Variants in FBXW10B observed in about 807,000 individuals in gnomAD.
FBXW10B encodes the protein F-box and WD repeat domain containing protein 10B.
the FBXW10B span, among the ~76,000 whole-genome samples, chr17:15,595,676 C>T: frequency 1.3e-5 from 2 of 152,130 alleles, no homozygotes; most frequent in African/African-American, 4.8e-5. Flanking sequence ...GCCAAGCCAG[C>T]CACTTTTCAC....
the FBXW10B span, chr17:15,619,125 G>A: frequency 1.9e-6 from 3 of 1,613,932 alleles, no homozygotes; most frequent in Non-Finnish European, 2.5e-6. Flanking sequence ...TTGGTCCACT[G>A]GGTGCTGTTC....
At chr17:15,581,496 A>G in the FBXW10B span, among the ~76,000 whole-genome samples, 1 of 152,136 alleles carries the variant, frequency 6.6e-6, no homozygotes, top group Admixed American at 6.5e-5. Flanking sequence ...AGTGCAGGTA[A>G]GTCAGAAGTC....
the FBXW10B span, among the ~76,000 whole-genome samples, chr17:15,606,809 T>C: frequency 6.6e-6 from 1 of 152,166 alleles, no homozygotes; most frequent in African/African-American, 2.4e-5. Flanking sequence ...GCCTTTCCCC[T>C]ATCTTATCTG....
the FBXW10B span, among the ~76,000 whole-genome samples, chr17:15,581,523 G>T: frequency 6.6e-6 from 1 of 152,032 alleles, no homozygotes; most frequent in East Asian, 1.9e-4. Context: ...TATATCCAAA[G>T]TTCCTCTGCT....
chr17:15,604,097 A>AAG, the FBXW10B span, among the ~76,000 whole-genome samples: 2 of 149,966 alleles, frequency 1.3e-5, no homozygotes, highest in African/African-American at 4.9e-5. Context: ...AAAAACAAAA[A>AAG]CTAGAAACAA....
chr17:15,595,663 C>T, the FBXW10B span, among the ~76,000 whole-genome samples: 3 of 152,132 alleles, frequency 2.0e-5, no homozygotes, highest in Non-Finnish European at 4.4e-5. Flanking sequence ...GGAAATTCCA[C>T]AGGCCAAGCC....
chr17:15,598,415 G>A, the FBXW10B span: 1 of 1,517,030 alleles, frequency 6.6e-7, no homozygotes, highest in Non-Finnish European at 8.9e-7. Context: ...GTGGATGGAT[G>A]GATGGATGAT....
the FBXW10B span, chr17:15,613,507 G>A: frequency 1.2e-6 from 1 of 856,902 alleles, no homozygotes; most frequent in Non-Finnish European, 1.7e-6. Context: ...CACAAATGTA[G>A]AGGAGGAGGC....
chr17:15,615,563 T>C, the FBXW10B span: 9 of 1,579,292 alleles, frequency 5.7e-6, no homozygotes, highest in East Asian at 2.1e-4. Flanking sequence ...TCTGCTTGCC[T>C]CGGCCTCCCA....
At chr17:15,612,536 G>A in the FBXW10B span, 1 of 503,422 alleles carries the variant, frequency 2.0e-6, no homozygotes, top group Admixed American at 6.4e-5. Flanking sequence ...AAAAGAGGAA[G>A]TGTCTTGCAA....
chr17:15,619,385 T>C, the FBXW10B span: 2 of 1,613,818 alleles, frequency 1.2e-6, no homozygotes, highest in South Asian at 2.2e-5. Flanking sequence ...GCAGAACCAC[T>C]CTTTGGTAGA....
the FBXW10B span, among the ~76,000 whole-genome samples, chr17:15,579,173 A>AT: frequency 2.0e-5 from 3 of 151,712 alleles, no homozygotes; most frequent in African/African-American, 7.3e-5. Flanking sequence ...AAATAAATAA[A>AT]AAGGTGTCTG....
chr17:15,599,111 G>T, the FBXW10B span, among the ~76,000 whole-genome samples: 35 of 149,356 alleles, frequency 2.3e-4, no homozygotes, highest in African/African-American at 8.2e-4. Context: ...GCAGGCAGAG[G>T]TTGCAGCGAG....
At chr17:15,578,714 G>A in the FBXW10B span, among the ~76,000 whole-genome samples, 6 of 152,024 alleles carry the variant, frequency 3.9e-5, no homozygotes, top group South Asian at 2.1e-4. Context: ...TCTGATTTTC[G>A]TAGCTGGGAC....
At chr17:15,599,036 A>G in the FBXW10B span, among the ~76,000 whole-genome samples, 12 of 152,072 alleles carry the variant, frequency 7.9e-5, no homozygotes, top group Non-Finnish European at 1.0e-4. Context: ...TTAGCCAGGC[A>G]TGGTGGCGTG....
chr17:15,592,746 T>C, the FBXW10B span, among the ~76,000 whole-genome samples: 1 of 151,928 alleles, frequency 6.6e-6, no homozygotes, highest in Non-Finnish European at 1.5e-5. Flanking sequence ...TTGGTAGAAC[T>C]GTGGTCCTTA....
chr17:15,579,176 G>A, the FBXW10B span, among the ~76,000 whole-genome samples: 1 of 141,200 alleles, frequency 7.1e-6, no homozygotes, highest in Admixed American at 6.9e-5. Flanking sequence ...TAAATAAAAA[G>A]GTGTCTGTGT....
chr17:15,581,489 G>A, the FBXW10B span, among the ~76,000 whole-genome samples: 1 of 152,086 alleles, frequency 6.6e-6, no homozygotes, highest in Non-Finnish European at 1.5e-5. Flanking sequence ...AGTAGATAGT[G>A]CAGGTAAGTC....
the FBXW10B span, among the ~76,000 whole-genome samples, chr17:15,610,460 T>G: frequency 6.6e-6 from 1 of 152,188 alleles, no homozygotes; most frequent in Admixed American, 6.5e-5. Flanking sequence ...AGCTTCACTA[T>G]CTTAGTGCAC....
Sources: allele counts gnomAD v4.1 joint callset (sites outside exome capture counted in the v4.1 genomes callset), GRCh38; gene constraint gnomAD v4.1.1; transcripts MANE v1.5; gene names NCBI Gene and HGNC (gene_info 2026-07-23, HGNC 2026-07-21).